BCAS3: variants seen among roughly 807,000 people sequenced by gnomAD.
BCAS3 encodes BCAS4/BCAS3 fusion.
A neutral mutation model predicts 116.1 loss-of-function variants in BCAS3; 53 were observed. The ratio of observed to expected loss-of-function variants is 0.46; its 90% CI spans 0.37 to 0.57. BCAS3 has a LOEUF of 0.57. BCAS3 is among the 20% of genes least tolerant of loss of function. The pLI is 0.00. For missense variants in BCAS3, 917 were observed against 1,165.4 expected (o/e 0.79, Z 3.10); for synonymous variants, 391 against 408.2 (o/e 0.96, Z 0.51).
At chr17:61,080,296 A>G (rs1212345616) in intron 21 of BCAS3, among the ~76,000 whole-genome samples, 2 of 152,178 alleles carry the variant, frequency 1.3e-5, no homozygotes, top group Admixed American at 1.3e-4. Context: ...GCCACATCTA[A>G]TTCTTCACCA....
chr17:60,798,726 G>A (rs1029586903), intron 6 of BCAS3, among the ~76,000 whole-genome samples: 1 of 152,172 alleles, frequency 6.6e-6, no homozygotes, highest in East Asian at 1.9e-4. Flanking sequence ...AGCATTGTAC[G>A]GTAAGAGTAT....
intron 22 of BCAS3, among the ~76,000 whole-genome samples, chr17:61,187,648 G>A (rs1270242367): frequency 1.3e-5 from 2 of 152,124 alleles, no homozygotes; most frequent in African/African-American, 2.4e-5. Flanking sequence ...TATAAAGGGC[G>A]TGTCACTTGT....
intron 19 of BCAS3, among the ~76,000 whole-genome samples, chr17:61,069,589 G>C (rs1450283906): frequency 6.6e-6 from 1 of 152,152 alleles, no homozygotes; most frequent in African/African-American, 2.4e-5. Flanking sequence ...TGTAATCTCA[G>C]CACTTTGGGA....
At chr17:60,811,808 G>C (rs2048852790) in intron 7 of BCAS3, among the ~76,000 whole-genome samples, 1 of 152,234 alleles carries the variant, frequency 6.6e-6, no homozygotes, top group East Asian at 1.9e-4. Context: ...AGCACTTTGG[G>C]AGGCCAAGGC....
Position 61,128,916 on chromosome 17 carries a change from C to T in BCAS3, c.2425+44352C>T, listed in dbSNP as rs1006652028. On this transcript the variant is annotated intron_variant, in intron 22 of 23. Transcript: ENST00000407086. The surrounding 1 kb of genome is among the most constrained non-coding windows in gnomAD (Gnocchi z 4.1). ...ATTAAATTACTTCCTAAGTCACTTC[C>T]GGATGTCAGGCCTAAGGTGGAGAGG... is the stretch of plus-strand genomic sequence containing the variant. Among the ~76,000 whole-genome samples, 18 of 152,172 alleles carry T rather than the reference C, an allele frequency of 1.2e-4. No homozygotes were observed. Among genetic ancestry groups the T allele is most frequent in the African/African-American group, 4.1e-4 (17 of 41,428 alleles).
At position 61,088,772 on chromosome 17, in the gene BCAS3, G is replaced by C. The variant is rs1168070123; in HGVS notation, c.2425+4208G>C. 6.6e-6 allele frequency among the ~76,000 whole-genome samples: 1 copy of C among 152,246 alleles called. No individual in the cohort carries two copies. Among genetic ancestry groups the C allele is most frequent in the East Asian group, 1.9e-4 (1 of 5,202 alleles). ...TGGATGTTTACTAACAAAGAACTCA[G>C]ATAATTGAGATCGAAAGACAAACTT... On this transcript the variant is annotated intron_variant, in intron 22 of 23. Coordinates refer to ENST00000407086, the MANE Select transcript of BCAS3 (RefSeq NM_017679.5). The surrounding 1 kb of genome is among the most constrained non-coding windows in gnomAD (Gnocchi z 4.2).
chr17:61,316,301 A>G lies in BCAS3; in HGVS notation c.2426-52026A>G, dbSNP rs2054728867. On this transcript the variant is annotated intron_variant, in intron 22 of 23. Transcript: ENST00000407086. The surrounding 1 kb of genome is among the most constrained non-coding windows in gnomAD (Gnocchi z 5.8). The stretch of plus-strand genomic sequence containing the variant: ...AGCCTGGGTGATAGAGTGAGACTCC[A>G]TCTCAATAATAATAATATTAATAGT... 6.6e-6 allele frequency among the ~76,000 whole-genome samples: 1 copy of G among 152,048 alleles called. No individual in the cohort carries two copies. The highest frequency in any genetic ancestry group is 2.4e-5 in the African/African-American group (1 of 41,390).
chr17:60,778,072 C>G (rs531137348), intron 6 of BCAS3, among the ~76,000 whole-genome samples: 1 of 152,254 alleles, frequency 6.6e-6, no homozygotes, highest in South Asian at 2.1e-4. Flanking sequence ...TTTACATACT[C>G]TGGATACAAG....
chr17:61,368,932 C>T lies in BCAS3; in HGVS notation c.2593+438C>T, dbSNP rs375433834. On this transcript the variant is annotated intron_variant, in intron 23 of 23. Transcript: ENST00000407086. This position sits in a 1 kb window ranked among gnomAD's most constrained non-coding sequence, Gnocchi z 6.0. ...CAGGCTGGGCTGGTTTCAGCCCCTACCAGCTTTTCCTCATGCTGCCTTTGG... is the reference window on the plus strand; with the variant it reads ...CAGGCTGGGCTGGTTTCAGCCCCTATCAGCTTTTCCTCATGCTGCCTTTGG... 6.6e-6 allele frequency among the ~76,000 whole-genome samples: 1 copy of T among 152,178 alleles called. No individual in the cohort carries two copies. Among genetic ancestry groups the T allele is most frequent in the Middle Eastern group, 3.2e-3 (1 of 316 alleles).
At chr17:60,929,376 T>A (rs2059522413) in intron 13 of BCAS3, among the ~76,000 whole-genome samples, 1 of 152,066 alleles carries the variant, frequency 6.6e-6, no homozygotes, top group Non-Finnish European at 1.5e-5. Context: ...TGCAGTGAGC[T>A]CTGATCCCAC....
At chr17:60,947,985 C>A (rs548401913) in intron 14 of BCAS3, among the ~76,000 whole-genome samples, 4 of 152,188 alleles carry the variant, frequency 2.6e-5, no homozygotes, top group Non-Finnish European at 5.9e-5. Flanking sequence ...CAGATAATCA[C>A]GTACACGTGC....
At chr17:60,934,109 AG>A (rs989466763) in intron 13 of BCAS3, among the ~76,000 whole-genome samples, 2 of 142,540 alleles carry the variant, frequency 1.4e-5, no homozygotes, top group Non-Finnish European at 3.0e-5. Context: ...TTTCTTTAAA[AG>A]CAGAAAAAAA....
In BCAS3 at chr17:61,198,245, A is replaced by G. The variant is rs1414642646; in HGVS notation, c.2425+113681A>G. ...AAGCTCCACCTCCCAGGTTCATGCC[A>G]TTCTCCTGCCTCAGCCTCCCAAGTA... On this transcript the variant is annotated intron_variant, in intron 22 of 23. Coordinates refer to ENST00000407086, the MANE Select transcript of BCAS3 (RefSeq NM_017679.5). The surrounding 1 kb of genome is among the most constrained non-coding windows in gnomAD (Gnocchi z 5.0). Among the ~76,000 whole-genome samples, 1 of 148,468 alleles carries G rather than the reference A, an allele frequency of 6.7e-6. No individual in the cohort carries two copies. The highest frequency in any genetic ancestry group is 1.5e-5 in the Non-Finnish European group (1 of 67,494).
At chr17:61,257,222 C>T (rs2048850124) in intron 22 of BCAS3, among the ~76,000 whole-genome samples, 1 of 151,994 alleles carries the variant, frequency 6.6e-6, no homozygotes, top group South Asian at 2.1e-4. Context: ...GAGTTTGAGA[C>T]CAGCCTGGCC....
chr17:61,368,181 T>C lies in BCAS3; in HGVS notation c.2426-146T>C. ...GCGGCATGAGCTATTTCTCCTGCGC[T>C]ACCCAGTCTGTTGGCGGCGTGCTTC... is the stretch of plus-strand genomic sequence containing the variant. On this transcript the variant is annotated intron_variant, in intron 22 of 23. Coordinates refer to ENST00000407086, the MANE Select transcript of BCAS3 (RefSeq NM_017679.5). This position sits in a 1 kb window ranked among gnomAD's most constrained non-coding sequence, Gnocchi z 6.0. 1 of 782,534 alleles carries C rather than the reference T, an allele frequency of 1.3e-6. No individual in the cohort carries two copies. Among genetic ancestry groups the C allele is most frequent in the Non-Finnish European group, 2.0e-6 (1 of 501,022 alleles). The allele number at this position is 782,534 out of a possible 1,614,324, so 48.5% of individuals were successfully genotyped here. A position where few individuals can be genotyped will look rare whatever the true frequency, so the allele number is the denominator to read the frequency against.
In BCAS3 at chr17:61,203,456, T is replaced by G. The variant is rs1010307706; in HGVS notation, c.2425+118892T>G. ...CAGGTGTGAGCCACCGCGCCTGGGC[T>G]TCATTACAATTTTTATTTTGTCTTC... On this transcript the variant is annotated intron_variant, in intron 22 of 23. Coordinates refer to ENST00000407086, the MANE Select transcript of BCAS3 (RefSeq NM_017679.5). This position sits in a 1 kb window ranked among gnomAD's most constrained non-coding sequence, Gnocchi z 5.7. Among the ~76,000 whole-genome samples the G allele has an allele frequency of 2.0e-5, 3 of 152,110 alleles. No individual in the cohort carries two copies. Among genetic ancestry groups the G allele is most frequent in the Admixed American group, 2.0e-4 (3 of 15,272 alleles).
intron 7 of BCAS3, among the ~76,000 whole-genome samples, chr17:60,814,269 T>TTGTGTGTGTGTGTGTG (rs67077498): frequency 7.4e-6 from 1 of 134,854 alleles, no homozygotes; most frequent in Admixed American, 7.2e-5. Context: ...TCTTGGTATT[T>TTGTGTGTGTGTGTGTG]TGTGTGTGTG....
chr17:60,738,876 C>T (rs534304922), intron 5 of BCAS3, among the ~76,000 whole-genome samples: 1 of 152,258 alleles, frequency 6.6e-6, no homozygotes, highest in African/African-American at 2.4e-5. Flanking sequence ...CTGCCTCAGC[C>T]TTCCATGTAG....
intron 14 of BCAS3, among the ~76,000 whole-genome samples, chr17:60,950,530 C>T (rs2060776132): frequency 6.6e-6 from 1 of 152,140 alleles, no homozygotes; most frequent in Non-Finnish European, 1.5e-5. Flanking sequence ...CTGTGTTGCC[C>T]AGGCTAGTCT....
Sources: gnomAD v4.1 joint callset for allele counts (sites outside exome capture counted in the v4.1 genomes callset) on GRCh38, gnomAD v4.1.1 for gene constraint, Gnocchi (gnomAD v3.1) non-coding constraint, MANE v1.5 for transcripts, NCBI Gene and HGNC (gene_info 2026-07-23, HGNC 2026-07-21) for gene names.